The following IPCEF1 variants were observed in gnomAD, a reference collection of about 807,000 sequenced individuals.
The protein encoded by IPCEF1 is interaction protein for cytohesin exchange factors 1.
A neutral mutation model predicts 50.9 loss-of-function variants in IPCEF1; 31 were observed. The observed-to-expected ratio is 0.61, with a 90% confidence interval of 0.46 to 0.82. IPCEF1 has a LOEUF of 0.82. Ranked by LOEUF, IPCEF1 falls within the 40% of genes least tolerant of loss-of-function variation. IPCEF1 has a pLI of 0.00. For synonymous variants in IPCEF1, 181 were observed against 192.0 expected, an observed-to-expected ratio of 0.94 and a Z score of 0.47; for missense variants, 458 against 514.0, an observed-to-expected ratio of 0.89 and a Z score of 1.05.
chr6:154,273,390 C>A (rs1781946851), intron 2 of IPCEF1, among the ~76,000 whole-genome samples: 1 of 152,202 alleles, frequency 6.6e-6, no homozygotes, highest in African/African-American at 2.4e-5. Context: ...TGGAGACAAG[C>A]ACTGTTTATA....
At chr6:154,241,541 T>A (rs1421955341) in intron 5 of IPCEF1, among the ~76,000 whole-genome samples, 1 of 152,166 alleles carries the variant, frequency 6.6e-6, no homozygotes, top group Non-Finnish European at 1.5e-5. Context: ...CTCTAAAACT[T>A]GGAATCATGC....
chr6:154,346,702 A>G (rs1784036388), intron 1 of IPCEF1, among the ~76,000 whole-genome samples: 1 of 152,222 alleles, frequency 6.6e-6, no homozygotes, highest in South Asian at 2.1e-4. Context: ...ATGAGAGAGA[A>G]GTGCAGAGCA....
chr6:154,337,517 A>G (rs913434280), intron 1 of IPCEF1, among the ~76,000 whole-genome samples: 1 of 152,250 alleles, frequency 6.6e-6, no homozygotes, highest in African/African-American at 2.4e-5. Context: ...CTTTTATACC[A>G]GGAGACAAGA....
At chr6:154,197,456 C>G (rs1005408571) in intron 10 of IPCEF1, among the ~76,000 whole-genome samples, 8 of 152,154 alleles carry the variant, frequency 5.3e-5, no homozygotes, top group Admixed American at 2.0e-4. Flanking sequence ...CATATGAGAA[C>G]TGCCAACAAA....
At chr6:154,298,831 G>A (rs913354590) in intron 1 of IPCEF1, among the ~76,000 whole-genome samples, 4 of 151,942 alleles carry the variant, frequency 2.6e-5, no homozygotes, top group African/African-American at 9.7e-5. Flanking sequence ...GCATGGTGGC[G>A]CATGCCTGTA....
At position 154,354,253 on chromosome 6, in the gene IPCEF1, A is replaced by G. The variant is rs559867462; in HGVS notation, c.-62+2419T>C. Among the ~76,000 whole-genome samples the G allele has an allele frequency of 9.2e-5, 14 of 152,090 alleles. No homozygotes were observed. The South Asian group carries it at 2.7e-3, about 29-fold the overall frequency. On this transcript the variant is annotated intron_variant, in intron 1 of 11. Transcript: ENST00000367220. ...GCTAAATTATACTGACCTTCCCATG[A>G]TTACCTCCACCATTACCTCTACTAC...
At chr6:154,289,649 C>T (rs1191645731) in intron 2 of IPCEF1, 64 bp downstream of exon 2, 1 of 151,654 alleles carries the variant, frequency 6.6e-6, no homozygotes, top group African/African-American at 2.4e-5. Flanking sequence ...GAAACTCAAG[C>T]TTTTCAAGTC....
At chr6:154,200,179 A>G (rs1456633425) in intron 9 of IPCEF1, 139 bp from the exon 10 acceptor site, 7 of 756,250 alleles carry the variant, frequency 9.3e-6, no homozygotes, top group Non-Finnish European at 1.4e-5. Context: ...AAAGGTAAAG[A>G]TATGATATTT....
intron 7 of IPCEF1, among the ~76,000 whole-genome samples, chr6:154,219,373 G>C (rs1192705654): frequency 6.6e-6 from 1 of 152,134 alleles, no homozygotes; most frequent in Non-Finnish European, 1.5e-5. Context: ...GGGAAGGACG[G>C]GCCAAGGATG....
At position 154,190,886 on chromosome 6, in the gene IPCEF1, C is replaced by T. The variant is rs1583753086; in HGVS notation, c.910+8782G>A. Among the ~76,000 whole-genome samples, 2 of 152,208 alleles carry T rather than the reference C, an allele frequency of 1.3e-5. 1 individual carries two copies. Among genetic ancestry groups the T allele is most frequent in the South Asian group, 4.2e-4 (2 of 4,818 alleles). On this transcript the variant is annotated intron_variant, in intron 10 of 11. Coordinates refer to ENST00000367220, the MANE Select transcript of IPCEF1 (RefSeq NM_001130700.2). Reference sequence around the variant, plus strand: ...CCTGGCTAACACGGTGAAACCCCGTCTCTACTAAAAACACAAAAAATTAGC... The same window carrying T: ...CCTGGCTAACACGGTGAAACCCCGTTTCTACTAAAAACACAAAAAATTAGC...
At chr6:154,284,931 C>A (rs550400454) in intron 2 of IPCEF1, among the ~76,000 whole-genome samples, 19 of 152,008 alleles carry the variant, frequency 1.2e-4, no homozygotes, top group Non-Finnish European at 5.9e-5. Context: ...ACCCAGGAGG[C>A]AGAGGTTGCA....
At chr6:154,316,265 C>G (rs1461199400) in intron 1 of IPCEF1, among the ~76,000 whole-genome samples, 6 of 152,130 alleles carry the variant, frequency 3.9e-5, no homozygotes, top group Admixed American at 3.3e-4. Context: ...TAGATGTATG[C>G]TATTGTACAC....
chr6:154,334,991 T>C (rs1244097794), intron 1 of IPCEF1, among the ~76,000 whole-genome samples: 1 of 152,080 alleles, frequency 6.6e-6, no homozygotes, highest in African/African-American at 2.4e-5. Flanking sequence ...AATAATTGTT[T>C]TTTTCTTCCC....
At chr6:154,221,541 C>G (rs1778858515) in intron 6 of IPCEF1, among the ~76,000 whole-genome samples, 1 of 152,162 alleles carries the variant, frequency 6.6e-6, no homozygotes, top group Admixed American at 6.5e-5. Flanking sequence ...ACGTCCAGAA[C>G]AGGGCTGAGT....
rs150951612 is a variant in IPCEF1, at chr6:154,352,631, T to C, written c.-62+4041A>G. Among the ~76,000 whole-genome samples the C allele has an allele frequency of 1.4e-3, 211 of 152,360 alleles. 1 individual carries two copies. The highest frequency in any genetic ancestry group is 4.9e-3 in the African/African-American group (205 of 41,578). On this transcript the variant is annotated intron_variant, in intron 1 of 11. Coordinates refer to ENST00000367220, the MANE Select transcript of IPCEF1 (RefSeq NM_001130700.2). Reference sequence around the variant, plus strand: ...CTATCTCTCCTTTCTAAGACAAAGATTGATTCTAAGACAAAGACAGAAGAT... The same window carrying C: ...CTATCTCTCCTTTCTAAGACAAAGACTGATTCTAAGACAAAGACAGAAGAT...
chr6:154,247,433 A>G lies in IPCEF1; in HGVS notation c.76+16T>C. On this transcript the variant is annotated intron_variant, in intron 4 of 11. Coordinates refer to ENST00000367220, the MANE Select transcript of IPCEF1 (RefSeq NM_001130700.2). Reference sequence around the variant, plus strand: ...TACACAAAATGGAGATAAAGAAACAAAAGAGATCTAATTACCTTGAGTTTT... The same window carrying G: ...TACACAAAATGGAGATAAAGAAACAGAAGAGATCTAATTACCTTGAGTTTT... 1 of 1,607,124 alleles carries G rather than the reference A, an allele frequency of 6.2e-7. No homozygotes were observed. Among genetic ancestry groups the G allele is most frequent in the African/African-American group, 1.3e-5 (1 of 74,924 alleles).
At chr6:154,355,020 A>G (rs948985878) in intron 1 of IPCEF1, among the ~76,000 whole-genome samples, 36 of 148,320 alleles carry the variant, frequency 2.4e-4, no homozygotes, top group African/African-American at 8.6e-4. Flanking sequence ...ACACACACAC[A>G]CACACACACA....
At chr6:154,256,488 C>T (rs926983627) in intron 3 of IPCEF1, among the ~76,000 whole-genome samples, 1 of 151,494 alleles carries the variant, frequency 6.6e-6, no homozygotes, top group Non-Finnish European at 1.5e-5. Context: ...TCTTTCTCTG[C>T]CTTACTATCT....
chr6:154,312,538 G>A (rs1783105271), intron 1 of IPCEF1, among the ~76,000 whole-genome samples: 1 of 151,940 alleles, frequency 6.6e-6, no homozygotes, highest in Non-Finnish European at 1.5e-5. Context: ...AGTAGAGACG[G>A]GGTTTCACCA....
Sources: gnomAD v4.1 joint callset for allele counts (sites outside exome capture counted in the v4.1 genomes callset) on GRCh38, gnomAD v4.1.1 for gene constraint, MANE v1.5 for transcripts, NCBI Gene and HGNC (gene_info 2026-07-23, HGNC 2026-07-21) for gene names.